Variants in RIT2 observed in about 807,000 individuals in gnomAD.
RIT2 encodes the protein Ras like without CAAX 2.
In RIT2, 24 loss-of-function variants were observed where a neutral mutation model predicts 23.7. The ratio of observed to expected loss-of-function variants is 1.01; its 90% CI spans 0.73 to 1.43. The LOEUF is 1.43. Ranked by LOEUF, RIT2 falls within the 40% of genes most tolerant of loss-of-function variation. The pLI, the probability that RIT2 is intolerant of heterozygous loss-of-function variation, is 0.00. For missense variants in RIT2, 236 were observed against 266.9 expected (o/e 0.88, Z 0.81); for synonymous variants, 107 against 91.1 (o/e 1.17, Z -0.99).
chr18:43,056,364 C>T (rs1055082202), intron 1 of RIT2, among the ~76,000 whole-genome samples: 4 of 152,076 alleles, frequency 2.6e-5, no homozygotes, highest in South Asian at 2.1e-4. Context: ...TCAAAAAAAA[C>T]GATGAAAGTA....
At chr18:42,895,762 C>T (rs1908311901) in intron 4 of RIT2, among the ~76,000 whole-genome samples, 1 of 152,146 alleles carries the variant, frequency 6.6e-6, no homozygotes, top group Non-Finnish European at 1.5e-5. Flanking sequence ...AATCTGACAT[C>T]TCTATTAACT....
chr18:43,111,309 G>T (rs1913947683), intron 1 of RIT2, among the ~76,000 whole-genome samples: 1 of 152,120 alleles, frequency 6.6e-6, no homozygotes, highest in Non-Finnish European at 1.5e-5. Flanking sequence ...AAGGGTAGTA[G>T]GAAGAGGGAG....
chr18:42,851,311 C>G (rs1907048672), intron 4 of RIT2, among the ~76,000 whole-genome samples: 1 of 152,242 alleles, frequency 6.6e-6, no homozygotes, highest in East Asian at 1.9e-4. Flanking sequence ...TGACAATAAG[C>G]CAGTTGTGTA....
chr18:43,096,318 TG>T (rs1913551976), intron 1 of RIT2, among the ~76,000 whole-genome samples: 1 of 151,882 alleles, frequency 6.6e-6, no homozygotes, highest in South Asian at 2.1e-4. Flanking sequence ...AGAATGTAGC[TG>T]GAAACTATCG....
At chr18:42,871,318 T>C (rs892008097) in intron 4 of RIT2, among the ~76,000 whole-genome samples, 7 of 152,208 alleles carry the variant, frequency 4.6e-5, no homozygotes, top group African/African-American at 1.7e-4. Flanking sequence ...GAAGAAGTCA[T>C]AATCACTTAC....
At chr18:42,997,272 G>A (rs1029875266) in intron 2 of RIT2, among the ~76,000 whole-genome samples, 11 of 152,084 alleles carry the variant, frequency 7.2e-5, no homozygotes, top group Non-Finnish European at 1.6e-4. Context: ...ACTCAAAGAT[G>A]TATTTTTGTT....
intron 4 of RIT2, among the ~76,000 whole-genome samples, chr18:42,860,618 G>C (rs1380744920): frequency 6.6e-6 from 1 of 152,152 alleles, no homozygotes; most frequent in East Asian, 1.9e-4. Context: ...AGAATAGACT[G>C]AGAATACCCT....
At chr18:42,893,303 C>A (rs531388092) in intron 4 of RIT2, among the ~76,000 whole-genome samples, 1 of 151,040 alleles carries the variant, frequency 6.6e-6, no homozygotes, top group African/African-American at 2.4e-5. Context: ...CTTGTTAATG[C>A]AAATAATAAA....
intron 4 of RIT2, among the ~76,000 whole-genome samples, chr18:42,868,403 G>A (rs190537205): frequency 1.4e-4 from 21 of 152,274 alleles, no homozygotes; most frequent in African/African-American, 5.1e-4. Flanking sequence ...GTTCAGCTGT[G>A]AAAACCCAAG....
chr18:42,770,167 A>G (rs1426348565), intron 4 of RIT2, among the ~76,000 whole-genome samples: 6 of 152,126 alleles, frequency 3.9e-5, no homozygotes, highest in Admixed American at 3.3e-4. Flanking sequence ...GGGATCTCCA[A>G]TGTTCCAAAT....
At chr18:42,789,225 G>A (rs1422829977) in intron 4 of RIT2, among the ~76,000 whole-genome samples, 1 of 152,146 alleles carries the variant, frequency 6.6e-6, no homozygotes, top group Non-Finnish European at 1.5e-5. Flanking sequence ...GAGTGAAAAT[G>A]TAAAAATGCT....
At chr18:42,818,875 G>A (rs1371287490) in intron 4 of RIT2, among the ~76,000 whole-genome samples, 1 of 151,978 alleles carries the variant, frequency 6.6e-6, no homozygotes, top group African/African-American at 2.4e-5. Flanking sequence ...AATTGAAATG[G>A]AGAAACATTC....
intron 4 of RIT2, among the ~76,000 whole-genome samples, chr18:42,890,695 G>C (rs769308208): frequency 2.4e-4 from 37 of 151,886 alleles, no homozygotes; most frequent in Non-Finnish European, 4.6e-4. Flanking sequence ...AATGGCCAAG[G>C]ACATTAATGT....
rs528904323 is a variant in RIT2, at chr18:42,745,293, C to A, written c.427-1573G>T. ...TACCTGGCATAACTAAGAAAAAAAA[C>A]CTTCATTATTTTAAGCTGTTGACAT... is the stretch of plus-strand genomic sequence containing the variant. On this transcript the variant is annotated intron_variant, in intron 4 of 4. Transcript: ENST00000326695. Among the ~76,000 whole-genome samples, 5 of 152,170 alleles carry A rather than the reference C, an allele frequency of 3.3e-5. No homozygotes were observed. The South Asian group carries it at 1.0e-3, about 32-fold the overall frequency.
chr18:43,010,464 A>G (rs1415809231), intron 2 of RIT2, among the ~76,000 whole-genome samples: 4 of 151,826 alleles, frequency 2.6e-5, no homozygotes, highest in Non-Finnish European at 5.9e-5. Flanking sequence ...TCTCAATTTA[A>G]TTGACATTGT....
chr18:43,019,096 A>T (rs898789726), intron 2 of RIT2, among the ~76,000 whole-genome samples: 2 of 151,990 alleles, frequency 1.3e-5, no homozygotes, highest in African/African-American at 2.4e-5. Context: ...AAAGATATAG[A>T]CTGGCTGAAT....
intron 4 of RIT2, among the ~76,000 whole-genome samples, chr18:42,758,076 T>A (rs1164049282): frequency 6.6e-6 from 1 of 152,102 alleles, no homozygotes; most frequent in Non-Finnish European, 1.5e-5. Flanking sequence ...TCTTCTTCTA[T>A]AACAGCCCCT....
At chr18:42,915,959 T>G (rs569174) in intron 4 of RIT2, among the ~76,000 whole-genome samples, 139,060 of 151,282 alleles carry the variant, frequency 0.92, 63,985 homozygotes, top group East Asian at 1. Flanking sequence ...TTTCTTTTAG[T>G]TCTCAAATAT....
At chr18:42,776,782 A>T (rs997589812) in intron 4 of RIT2, among the ~76,000 whole-genome samples, 3 of 152,124 alleles carry the variant, frequency 2.0e-5, no homozygotes, top group Non-Finnish European at 4.4e-5. Flanking sequence ...AAATTATAAT[A>T]ATAATAAAAT....
Sources: gnomAD v4.1 joint callset for allele counts (sites outside exome capture counted in the v4.1 genomes callset) on GRCh38, gnomAD v4.1.1 for gene constraint, MANE v1.5 for transcripts, NCBI Gene and HGNC (gene_info 2026-07-23, HGNC 2026-07-21) for gene names.